The following WWTR1 variants were observed in gnomAD, a reference collection of about 807,000 sequenced individuals.
The protein encoded by WWTR1 is WW domain containing transcription regulator 1.
In WWTR1, 13 loss-of-function variants were observed where a neutral mutation model predicts 40.1. The ratio of observed to expected loss-of-function variants is 0.32; its 90% CI spans 0.21 to 0.52. The LOEUF is 0.52. Among genes scored for constraint, WWTR1 ranks in the 20% least tolerant of loss-of-function variants. The probability of loss-of-function intolerance (pLI) is 0.97; values close to 1 mark genes in which losing one functional copy is unlikely to be tolerated. For synonymous variants in WWTR1, 230 were observed against 210.1 expected (o/e 1.09, Z -0.82); for missense variants, 436 against 523.1 (o/e 0.83, Z 1.63).
intron 3 of WWTR1, among the ~76,000 whole-genome samples, chr3:149,562,120 C>A (rs1486912765): frequency 6.6e-6 from 1 of 151,964 alleles, no homozygotes; most frequent in Non-Finnish European, 1.5e-5. Context: ...CATGGTGAAA[C>A]CCTGTCTCTA....
At chr3:149,548,173 GC>G (rs1248369070) in intron 3 of WWTR1, among the ~76,000 whole-genome samples, 2 of 152,080 alleles carry the variant, frequency 1.3e-5, no homozygotes, top group Admixed American at 1.3e-4. Flanking sequence ...CAAGAAAGTC[GC>G]CCGGACTCAA....
intron 1 of WWTR1, among the ~76,000 whole-genome samples, chr3:149,679,803 C>T (rs1714395387): frequency 6.6e-6 from 1 of 152,176 alleles, no homozygotes; most frequent in African/African-American, 2.4e-5. Flanking sequence ...AGGAAATGGA[C>T]AGACTTAACT....
At chr3:149,608,631 C>T (rs950597681) in intron 2 of WWTR1, among the ~76,000 whole-genome samples, 4 of 152,064 alleles carry the variant, frequency 2.6e-5, no homozygotes, top group Non-Finnish European at 2.9e-5. Flanking sequence ...TCAAGTGGTC[C>T]GCCTGCCTTG....
chr3:149,578,192 C>A (rs144081706), intron 2 of WWTR1, among the ~76,000 whole-genome samples: 1 of 152,122 alleles, frequency 6.6e-6, no homozygotes, highest in Non-Finnish European at 1.5e-5. Flanking sequence ...AAAGACCACA[C>A]GCAGTTGTGG....
At chr3:149,606,918 G>A (rs1437964805) in intron 2 of WWTR1, among the ~76,000 whole-genome samples, 3 of 152,180 alleles carry the variant, frequency 2.0e-5, no homozygotes, top group African/African-American at 7.2e-5. Context: ...AAAGAACTGC[G>A]AGGCATCCAC....
chr3:149,532,968 C>T (rs544921878), intron 4 of WWTR1, among the ~76,000 whole-genome samples: 3 of 152,328 alleles, frequency 2.0e-5, no homozygotes, highest in African/African-American at 2.4e-5. Flanking sequence ...AGGCCTCTGC[C>T]GCTGAGCATC....
intron 2 of WWTR1, among the ~76,000 whole-genome samples, chr3:149,621,531 T>G (rs1320118383): frequency 6.6e-6 from 1 of 152,150 alleles, no homozygotes; most frequent in Non-Finnish European, 1.5e-5. Context: ...TTTCCAGAGC[T>G]CTTGATGTGT....
intron 2 of WWTR1, among the ~76,000 whole-genome samples, chr3:149,619,894 G>C (rs956513519): frequency 3.9e-5 from 6 of 152,174 alleles, no homozygotes; most frequent in African/African-American, 1.4e-4. Context: ...GTTCTCTCAG[G>C]ATCTCACAGA....
intron 2 of WWTR1, among the ~76,000 whole-genome samples, chr3:149,615,275 T>C (rs1393954286): frequency 6.6e-6 from 1 of 152,248 alleles, no homozygotes; most frequent in Non-Finnish European, 1.5e-5. Flanking sequence ...ACCATTTTTT[T>C]ATAAGGATTT....
intron 3 of WWTR1, among the ~76,000 whole-genome samples, chr3:149,571,909 A>T (rs561720165): frequency 2.1e-4 from 32 of 152,324 alleles, no homozygotes; most frequent in African/African-American, 7.5e-4. Context: ...GATTACCAAA[A>T]AAGCTGACTG....
upstream of WWTR1, among the ~76,000 whole-genome samples, chr3:149,705,120 A>C (rs1054041686): frequency 1.3e-5 from 2 of 152,148 alleles, no homozygotes; most frequent in Non-Finnish European, 2.9e-5. Flanking sequence ...TAAAAGACAA[A>C]GAAAAGGACA....
At chr3:149,618,793 C>T (rs1035504560) in intron 2 of WWTR1, among the ~76,000 whole-genome samples, 1 of 152,132 alleles carries the variant, frequency 6.6e-6, no homozygotes, top group African/African-American at 2.4e-5. Context: ...GCTGTAGGAG[C>T]CTGGAAAGGT....
chr3:149,551,878 G>T (rs1736629040), intron 3 of WWTR1, among the ~76,000 whole-genome samples: 1 of 145,764 alleles, frequency 6.9e-6, no homozygotes. Context: ...AGCTGTCAGT[G>T]TGTCCTCCTT....
intron 5 of WWTR1, among the ~76,000 whole-genome samples, chr3:149,712,174 A>C (rs1380360115): frequency 6.6e-6 from 1 of 152,216 alleles, no homozygotes; most frequent in Non-Finnish European, 1.5e-5. Context: ...TCTGTAGTCC[A>C]ACCTACTTTT....
intron 3 of WWTR1, among the ~76,000 whole-genome samples, chr3:149,568,523 CAAAA>C (rs34414853): frequency 0.018 from 1,143 of 64,740 alleles, 20 homozygotes; most frequent in Middle Eastern, 0.044. Flanking sequence ...AATTAAAGTG[CAAAA>C]AAAAAAAAAA....
chr3:149,532,604 C>A (rs376262976), intron 4 of WWTR1, among the ~76,000 whole-genome samples: 58 of 152,152 alleles, frequency 3.8e-4, no homozygotes, highest in Middle Eastern at 3.4e-3. Context: ...CTTCCCTATT[C>A]CAACTCATGA....
At chr3:149,718,217 A>G (rs190324393) in intron 4 of WWTR1, among the ~76,000 whole-genome samples, 204 of 152,224 alleles carry the variant, frequency 1.3e-3, no homozygotes, top group African/African-American at 4.8e-3. Flanking sequence ...TTTTCCCCAT[A>G]ATCACCACAT....
At chr3:149,626,702 AGCATCAATTG>A (rs1490262471) in intron 2 of WWTR1, among the ~76,000 whole-genome samples, 1 of 152,144 alleles carries the variant, frequency 6.6e-6, no homozygotes, top group African/African-American at 2.4e-5. Context: ...ACTACAAAAG[AGCATCAATTG>A]GAAAACCACC....
At chr3:149,523,672 T>C (rs1735165095) in intron 6 of WWTR1, among the ~76,000 whole-genome samples, 1 of 152,320 alleles carries the variant, frequency 6.6e-6, no homozygotes, top group South Asian at 2.1e-4. Context: ...GTTGCTGCCA[T>C]GTATGTTTTG....
Sources: allele counts gnomAD v4.1 joint callset (sites outside exome capture counted in the v4.1 genomes callset), GRCh38; gene constraint gnomAD v4.1.1; transcripts MANE v1.5; gene names NCBI Gene and HGNC (gene_info 2026-07-23, HGNC 2026-07-21).